The following MYCBP2 variants were observed in gnomAD, a reference collection of about 807,000 sequenced individuals.
The protein encoded by MYCBP2 is E3 ubiquitin-protein ligase MYCBP2.
A neutral mutation model predicts 525.3 loss-of-function variants in MYCBP2; 120 were observed. The ratio of observed to expected loss-of-function variants is 0.23; its 90% CI spans 0.20 to 0.27. The LOEUF (loss-of-function observed/expected upper bound fraction) is 0.27, where lower values mean the gene tolerates loss of function less well. MYCBP2 is among the 10% of genes least tolerant of loss of function. The pLI, the probability that MYCBP2 is intolerant of heterozygous loss-of-function variation, is 1.00. For missense variants in MYCBP2, 4,149 were observed against 5,657.1 expected (o/e 0.73, Z 8.55); for synonymous variants, 1,894 against 1,955.8 (o/e 0.97, Z 0.83).
chr13:77,157,192 C>A (rs1474831644), intron 45 of MYCBP2, among the ~76,000 whole-genome samples: 1 of 152,192 alleles, frequency 6.6e-6, no homozygotes, highest in African/African-American at 2.4e-5. Flanking sequence ...AATCCTCCCA[C>A]CTCAGCCTCC....
At chr13:77,297,890 C>CTCT (rs1252167832) in intron 1 of MYCBP2, among the ~76,000 whole-genome samples, 1 of 152,092 alleles carries the variant, frequency 6.6e-6, no homozygotes, top group Non-Finnish European at 1.5e-5. Context: ...TTACCACCAC[C>CTCT]TCTTACCTGG....
At chr13:77,318,259 A>T (rs927479296) in intron 1 of MYCBP2, among the ~76,000 whole-genome samples, 7 of 152,188 alleles carry the variant, frequency 4.6e-5, no homozygotes, top group Non-Finnish European at 8.8e-5. Flanking sequence ...GCACTGGTGA[A>T]TGAAAACCCT....
rs192657934 is a variant in MYCBP2 at position 77,080,199 on chromosome 13, A to T, written c.11418+1228T>A. ...TTAGCTAAGCCTCTTTTACTTACTCAATACCAGGGAGGAATAGAACCTGCA... is the reference window on the plus strand; with the variant it reads ...TTAGCTAAGCCTCTTTTACTTACTCTATACCAGGGAGGAATAGAACCTGCA... On this transcript the variant is annotated intron_variant, in intron 65 of 82. Transcript: ENST00000544440. 1.6e-4 allele frequency among the ~76,000 whole-genome samples: 24 copies of T among 152,310 alleles called. No individual in the cohort carries two copies. In the East Asian group the frequency reaches 3.3e-3, roughly 21 times the overall value.
At chr13:77,219,328 G>T (rs1171181154) in intron 20 of MYCBP2, among the ~76,000 whole-genome samples, 3 of 152,026 alleles carry the variant, frequency 2.0e-5, no homozygotes, top group African/African-American at 7.2e-5. Flanking sequence ...GGTCTCTTTG[G>T]TGGAAGCAGG....
Position 77,206,635 on chromosome 13 carries a change from A to C in MYCBP2, c.3589+18T>G. The C allele has an allele frequency of 6.5e-7, 1 of 1,542,980 alleles. No individual in the cohort carries two copies. Among genetic ancestry groups the C allele is most frequent in the Non-Finnish European group, 8.8e-7 (1 of 1,141,890 alleles). On this transcript the variant is annotated intron_variant, in intron 24 of 82. Coordinates refer to ENST00000544440, the MANE Select transcript of MYCBP2 (RefSeq NM_015057.5). ...ACACATTAATGTGAATTAATGGTAC[A>C]TCAAATCGCAACCCTACCTAAAATG...
intron 45 of MYCBP2, among the ~76,000 whole-genome samples, chr13:77,157,412 C>T (rs2057343807): frequency 1.3e-5 from 2 of 152,102 alleles, no homozygotes; most frequent in African/African-American, 4.8e-5. Flanking sequence ...TTTGTAGACA[C>T]AGGATTTCAC....
chr13:77,297,127 C>G (rs1017808789), intron 1 of MYCBP2, among the ~76,000 whole-genome samples: 1 of 152,136 alleles, frequency 6.6e-6, no homozygotes, highest in African/African-American at 2.4e-5. Context: ...CTTTATGTCT[C>G]CAGCAGCCAG....
rs908100161 is a variant in MYCBP2 at position 77,326,776 on chromosome 13, C to T, written c.-1G>A. 2 of 1,407,506 alleles carry T rather than the reference C, an allele frequency of 1.4e-6. No homozygotes were observed. The highest frequency in any genetic ancestry group is 1.8e-6 in the Non-Finnish European group (2 of 1,094,228). 87.2% of individuals were successfully genotyped at this position (1,407,506 alleles called of 1,614,324 possible). A position where few individuals can be genotyped will look rare whatever the true frequency, so the allele number is the denominator to read the frequency against. On this transcript the variant is annotated 5_prime_UTR_variant, in exon 1 of 83. Coordinates refer to ENST00000544440, the MANE Select transcript of MYCBP2 (RefSeq NM_015057.5). The surrounding 1 kb of genome is among the most constrained non-coding windows in gnomAD (Gnocchi z 4.2). The stretch of plus-strand genomic sequence containing the variant: ...AGGCAGTCGCTGCGCACATCATCAT[C>T]CTCGCCGCCGCCGCCGCCGCCGCCG...
intron 46 of MYCBP2, among the ~76,000 whole-genome samples, chr13:77,155,747 T>C (rs2057136392): frequency 6.6e-6 from 1 of 152,210 alleles, no homozygotes; most frequent in African/African-American, 2.4e-5. Flanking sequence ...CATGCATTTA[T>C]TCAATCAATA....
intron 76 of MYCBP2, among the ~76,000 whole-genome samples, chr13:77,060,321 G>A (rs1401993147): frequency 6.6e-6 from 1 of 152,136 alleles, no homozygotes; most frequent in Non-Finnish European, 1.5e-5. Flanking sequence ...TTACAAGGAT[G>A]GTTTGACATT....
chr13:77,224,587 T>A, intron 19 of MYCBP2, 55 bp from the exon 20 acceptor site: 1 of 1,083,724 alleles, frequency 9.2e-7, no homozygotes, highest in Non-Finnish European at 1.4e-6. Context: ...TACATTTCTA[T>A]CACAACTATA....
Position 77,093,260 on chromosome 13 carries a change from T to C in MYCBP2, c.10272A>G (p.Ser3424=), listed in dbSNP as rs1442984559. 1.2e-6 allele frequency: 2 copies of C among 1,613,394 alleles called. No homozygotes were observed. The highest frequency in any genetic ancestry group is 3.3e-5 in the Admixed American group (2 of 59,954). The change falls in exon 59 of 83, where the codon TCA becomes TCG. Residue 3424 remains serine, a synonymous_variant. Coordinates refer to ENST00000544440, the MANE Select transcript of MYCBP2 (RefSeq NM_015057.5). Reference sequence around the variant, plus strand: ...ATATATACGGGGCAGGTACAGATGTTGAACGTAGATATCTCATTTCATCCT... The same window carrying C: ...ATATATACGGGGCAGGTACAGATGTCGAACGTAGATATCTCATTTCATCCT... ...LFQDEMRYLR[S]TSVPAPYISV...
At chr13:77,127,524 A>G (rs2154167977) in intron 52 of MYCBP2, among the ~76,000 whole-genome samples, 1 of 152,076 alleles carries the variant, frequency 6.6e-6, no homozygotes, top group South Asian at 2.1e-4. Context: ...CAGTAATATG[A>G]ACTCTATAAT....
At chr13:77,224,923 T>G (rs2066052985) in intron 19 of MYCBP2, among the ~76,000 whole-genome samples, 2 of 152,138 alleles carry the variant, frequency 1.3e-5, no homozygotes, top group South Asian at 4.1e-4. Context: ...CAGCAGAACT[T>G]TAATGTCTGT....
intron 61 of MYCBP2, among the ~76,000 whole-genome samples, chr13:77,088,042 C>G (rs2044669311): frequency 6.6e-6 from 1 of 152,060 alleles, no homozygotes; most frequent in Admixed American, 6.6e-5. Flanking sequence ...CCTCCGCCTC[C>G]CAAAGTGCTA....
intron 1 of MYCBP2, among the ~76,000 whole-genome samples, chr13:77,300,450 C>G (rs978120072): frequency 1.3e-5 from 2 of 152,230 alleles, no homozygotes; most frequent in African/African-American, 4.8e-5. Context: ...AAAACATTCT[C>G]TTCCTTTTTT....
rs145313509 is a variant in MYCBP2 at position 77,066,677 on chromosome 13, T to C, written c.12456-589A>G. Among the ~76,000 whole-genome samples the C allele has an allele frequency of 2.1e-3, 320 of 152,348 alleles. 1 individual carries two copies. Among genetic ancestry groups the C allele is most frequent in the African/African-American group, 6.9e-3 (287 of 41,582 alleles). On this transcript the variant is annotated intron_variant, in intron 71 of 82. Coordinates refer to ENST00000544440, the MANE Select transcript of MYCBP2 (RefSeq NM_015057.5). ...AAAGATATGCATATTTAAAATATAG[T>C]TAGATATTATAAACAGATATCCAAA...
intron 52 of MYCBP2, among the ~76,000 whole-genome samples, chr13:77,134,670 T>A (rs551036042): frequency 1.1e-4 from 16 of 152,238 alleles, no homozygotes; most frequent in African/African-American, 3.9e-4. Context: ...GAACCCTTCA[T>A]CTATTTAGCT....
chr13:77,064,562 C>T (rs1566347446), intron 73 of MYCBP2, 53 bp downstream of exon 73: 8 of 1,499,006 alleles, frequency 5.3e-6, no homozygotes, highest in South Asian at 4.0e-5. Context: ...TAAAAAAGAA[C>T]ACGCAATGAT....
Sources: gnomAD v4.1 joint callset for allele counts (sites outside exome capture counted in the v4.1 genomes callset) on GRCh38, gnomAD v4.1.1 for gene constraint, Gnocchi (gnomAD v3.1) non-coding constraint, MANE v1.5 for transcripts, NCBI Gene and HGNC (gene_info 2026-07-23, HGNC 2026-07-21) for gene names.